TAFA2: variants seen among roughly 807,000 people sequenced by gnomAD.
The protein encoded by TAFA2 is chemokine-like protein TAFA-2.
In TAFA2, 7 loss-of-function variants were observed where a neutral mutation model predicts 18.8. The ratio of observed to expected loss-of-function variants is 0.37; its 90% CI spans 0.21 to 0.70. The LOEUF (loss-of-function observed/expected upper bound fraction) is 0.70, where lower values mean the gene tolerates loss of function less well. Ranked by LOEUF, TAFA2 falls within the 30% of genes least tolerant of loss-of-function variation. TAFA2 has a pLI of 0.53. For missense variants in TAFA2, 122 were observed against 158.1 expected (o/e 0.77, Z 1.23); for synonymous variants, 60 against 54.2 (o/e 1.11, Z -0.47).
chr12:62,123,772 CCACACACATACACA>C (rs1185519859), intron 1 of TAFA2, among the ~76,000 whole-genome samples: 6 of 69,020 alleles, frequency 8.7e-5, no homozygotes, highest in Admixed American at 1.5e-4. Flanking sequence ...ATCTCCCCCA[CCACACACATACACA>C]CACACACACA....
chr12:61,785,363 G>T (rs1390869494), intron 2 of TAFA2, among the ~76,000 whole-genome samples: 3 of 149,136 alleles, frequency 2.0e-5, no homozygotes, highest in Non-Finnish European at 3.0e-5. Flanking sequence ...GTGTGTGTTT[G>T]TGTGTGTGTG....
chr12:62,243,359 A>G (rs2062871380), intron 1 of TAFA2, among the ~76,000 whole-genome samples: 1 of 152,246 alleles, frequency 6.6e-6, no homozygotes, highest in Non-Finnish European at 1.5e-5. Flanking sequence ...ACATATTTAT[A>G]AATGCATGTT....
At chr12:62,141,813 T>C (rs750909786) in intron 1 of TAFA2, among the ~76,000 whole-genome samples, 7 of 152,206 alleles carry the variant, frequency 4.6e-5, no homozygotes, top group Non-Finnish European at 1.0e-4. Flanking sequence ...GGAAGACTCC[T>C]AGGCAAGCCC....
intron 2 of TAFA2, among the ~76,000 whole-genome samples, chr12:61,805,339 G>C (rs1871566485): frequency 6.6e-6 from 1 of 151,920 alleles, no homozygotes; most frequent in Non-Finnish European, 1.5e-5. Context: ...ACACCAGTGA[G>C]ATTCTGTACA....
chr12:61,934,400 T>C (rs1391077065), intron 1 of TAFA2, among the ~76,000 whole-genome samples: 1 of 152,170 alleles, frequency 6.6e-6, no homozygotes, highest in Non-Finnish European at 1.5e-5. Flanking sequence ...AAGCCTAATC[T>C]TCACCACCAG....
chr12:61,917,456 T>C (rs1474463289), intron 1 of TAFA2, among the ~76,000 whole-genome samples: 1 of 152,162 alleles, frequency 6.6e-6, no homozygotes. Context: ...ATGAGAGGCT[T>C]ACCACCTCAC....
chr12:62,179,568 T>C (rs1047715988), intron 1 of TAFA2, among the ~76,000 whole-genome samples: 1 of 152,178 alleles, frequency 6.6e-6, no homozygotes, highest in African/African-American at 2.4e-5. Context: ...TGTTCCTGAA[T>C]AGAGGTTTTA....
intron 1 of TAFA2, among the ~76,000 whole-genome samples, chr12:62,150,694 G>A (rs950442218): frequency 1.3e-5 from 2 of 152,102 alleles, no homozygotes; most frequent in African/African-American, 4.8e-5. Flanking sequence ...TTTGAGGTCA[G>A]GAGTTCGAGA....
chr12:62,064,196 A>G (rs1882427625), intron 1 of TAFA2, among the ~76,000 whole-genome samples: 2 of 152,260 alleles, frequency 1.3e-5, no homozygotes, highest in South Asian at 2.1e-4. Context: ...TAAATGCACT[A>G]AAAACTTTAC....
intron 1 of TAFA2, among the ~76,000 whole-genome samples, chr12:61,973,918 TA>T (rs1212757510): frequency 1.3e-5 from 2 of 151,680 alleles, no homozygotes; most frequent in African/African-American, 4.8e-5. Context: ...GAATGGTTTG[TA>T]ATACTTATTA....
chr12:62,210,411 C>T (rs917886816), intron 1 of TAFA2, among the ~76,000 whole-genome samples: 1 of 151,974 alleles, frequency 6.6e-6, no homozygotes, highest in Non-Finnish European at 1.5e-5. Flanking sequence ...AATTTTTTGC[C>T]CACTTTTAAT....
chr12:62,135,052 G>A (rs762853835), intron 1 of TAFA2, among the ~76,000 whole-genome samples: 16 of 152,104 alleles, frequency 1.1e-4, no homozygotes, highest in South Asian at 6.2e-4. Context: ...ACTATTCACT[G>A]CAATAATTCC....
At chr12:61,764,968 A>G (rs563384743) in intron 2 of TAFA2, among the ~76,000 whole-genome samples, 1 of 152,224 alleles carries the variant, frequency 6.6e-6, no homozygotes, top group South Asian at 2.1e-4. Flanking sequence ...ATAGTAATAT[A>G]GGACAGTGGA....
At chr12:62,173,295 C>G (rs1038880632) in intron 1 of TAFA2, among the ~76,000 whole-genome samples, 40 of 152,082 alleles carry the variant, frequency 2.6e-4, no homozygotes, top group African/African-American at 9.4e-4. Context: ...CGCCTGTAAT[C>G]CCAGCTACTC....
chr12:61,933,530 T>C (rs1012707005), intron 1 of TAFA2, among the ~76,000 whole-genome samples: 1 of 152,048 alleles, frequency 6.6e-6, no homozygotes, highest in African/African-American at 2.4e-5. Flanking sequence ...TGGGCAATTA[T>C]AGCAAGACCC....
At chr12:61,809,703 A>C (rs1871778847) in intron 2 of TAFA2, among the ~76,000 whole-genome samples, 1 of 151,370 alleles carries the variant, frequency 6.6e-6, no homozygotes, top group South Asian at 2.1e-4. Flanking sequence ...TAGTTTTTTT[A>C]CTATAAGGGA....
At chr12:61,929,434 G>T (rs1422154302) in intron 1 of TAFA2, among the ~76,000 whole-genome samples, 1 of 152,102 alleles carries the variant, frequency 6.6e-6, no homozygotes. Context: ...TCAGAAAAAT[G>T]CAAATCAAAA....
intron 1 of TAFA2, chr12:61,879,531 C>T (rs1471728920): frequency 1.4e-6 from 1 of 717,628 alleles, no homozygotes; most frequent in South Asian, 1.5e-5. Context: ...TCAACCAGAG[C>T]CTGCTGAGGC....
intron 1 of TAFA2, among the ~76,000 whole-genome samples, chr12:62,033,750 G>C (rs1261167734): frequency 1.3e-5 from 2 of 151,726 alleles, no homozygotes; most frequent in Non-Finnish European, 2.9e-5. Context: ...TTCAGCCTGA[G>C]ATGCCTTTCC....
Sources: gnomAD v4.1 joint callset for allele counts (sites outside exome capture counted in the v4.1 genomes callset) on GRCh38, gnomAD v4.1.1 for gene constraint, MANE v1.5 for transcripts, NCBI Gene and HGNC (gene_info 2026-07-23, HGNC 2026-07-21) for gene names.